The following RHAG variants were observed in gnomAD, a reference collection of about 807,000 sequenced individuals.
RHAG encodes the protein ammonium transporter Rh type A.
A neutral mutation model predicts 42.4 loss-of-function variants in RHAG; 25 were observed. The observed-to-expected ratio is 0.59, with a 90% CI of 0.43 to 0.82. RHAG has a LOEUF of 0.82. Among genes scored for constraint, RHAG ranks in the 40% least tolerant of loss-of-function variants. RHAG has a pLI of 0.00. For missense variants in RHAG, 483 were observed against 504.6 expected, an observed-to-expected ratio of 0.96 and a Z score of 0.41; for synonymous variants, 182 against 177.7, an observed-to-expected ratio of 1.02 and a Z score of -0.19.
At chr6:49,612,106 A>G (rs1211869828) in intron 6 of RHAG, among the ~76,000 whole-genome samples, 1 of 152,118 alleles carries the variant, frequency 6.6e-6, no homozygotes, top group Non-Finnish European at 1.5e-5. Context: ...AAATAACAAC[A>G]ACAACTTCAA....
At chr6:49,610,218 C>G (rs1412333773) in intron 7 of RHAG, among the ~76,000 whole-genome samples, 1 of 151,878 alleles carries the variant, frequency 6.6e-6, no homozygotes, top group Non-Finnish European at 1.5e-5. Flanking sequence ...CACATGTATC[C>G]AGAACTTAAA....
chr6:49,636,213 AC>A (rs989889115), intron 1 of RHAG, among the ~76,000 whole-genome samples: 19 of 152,034 alleles, frequency 1.2e-4, no homozygotes, highest in African/African-American at 4.3e-4. Context: ...CATACTAAAT[AC>A]CCCTTCTTAT....
Position 49,628,155 on chromosome 6 carries a change from CACACACAG to C in RHAG, c.157+8493_157+8500del, listed in dbSNP as rs978967417. 3.2e-4 allele frequency among the ~76,000 whole-genome samples: 38 copies of C among 117,264 alleles called. No individual in the cohort carries two copies. The South Asian group carries it at 3.6e-3, about 11-fold the overall frequency. The allele number at this position is 117,264 out of a possible 152,430, so 76.9% of individuals were successfully genotyped here. A position where few individuals can be genotyped will look rare whatever the true frequency, so the allele number is the denominator to read the frequency against. ...TGTGAGACACACACACACACACACA[CACACACAG>C]AGAGAGAGAGAGAGACAGGGTCTTG... On this transcript the variant is annotated intron_variant, in intron 1 of 9. Coordinates refer to ENST00000371175, the MANE Select transcript of RHAG (RefSeq NM_000324.3).
chr6:49,622,216 G>GT (rs547741058), intron 1 of RHAG, among the ~76,000 whole-genome samples: 56,555 of 132,354 alleles, frequency 0.43, 12,541 homozygotes, highest in East Asian at 0.53. Flanking sequence ...AGATCTGATG[G>GT]TTTTTTTTTT....
At chr6:49,629,711 C>T (rs965269965) in intron 1 of RHAG, among the ~76,000 whole-genome samples, 4 of 152,212 alleles carry the variant, frequency 2.6e-5, no homozygotes, top group African/African-American at 9.6e-5. Flanking sequence ...GCAGCTAAGG[C>T]CCCGTGAGAA....
intron 3 of RHAG, among the ~76,000 whole-genome samples, chr6:49,617,615 G>A (rs544090595): frequency 6.6e-6 from 1 of 151,974 alleles, no homozygotes; most frequent in Non-Finnish European, 1.5e-5. Flanking sequence ...TTCCTGGGGG[G>A]AATCAATGAA....
At position 49,619,319 on chromosome 6, in the gene RHAG, G is replaced by A. The variant is rs755777898; in HGVS notation, c.201C>T (p.Phe67=). The change falls in exon 2 of 10, where the codon TTC becomes TTT. Residue 67 remains phenylalanine (F), a synonymous_variant. Coordinates refer to ENST00000371175, the MANE Select transcript of RHAG (RefSeq NM_000324.3). ...CATATTTCTTCAGGAAGGTCATGAG[G>A]AAGCCAAACCCAACAAATATCATAA... ...VHVMIFVGFG[F]LMTFLKKYGF... The A allele has an allele frequency of 6.2e-7, 1 of 1,614,132 alleles. No homozygotes were observed. Among genetic ancestry groups the A allele is most frequent in the South Asian group, 1.1e-5 (1 of 91,080 alleles).
intron 4 of RHAG, among the ~76,000 whole-genome samples, 159 bp downstream of exon 4, chr6:49,615,465 G>A (rs948216071): frequency 1.3e-5 from 2 of 151,750 alleles, no homozygotes; most frequent in African/African-American, 2.4e-5. Flanking sequence ...CTGGGCTCAA[G>A]TAATCCCACC....
chr6:49,613,578 G>A (rs1762603253), intron 5 of RHAG, among the ~76,000 whole-genome samples: 1 of 152,028 alleles, frequency 6.6e-6, no homozygotes, highest in African/African-American at 2.4e-5. Context: ...AATTACAATA[G>A]CATTTTCCTC....
intron 1 of RHAG, among the ~76,000 whole-genome samples, chr6:49,624,063 G>T (rs6918893): frequency 0.23 from 34,247 of 152,002 alleles, 4,194 homozygotes; most frequent in African/African-American, 0.32. Flanking sequence ...GTTGTTAACA[G>T]AAAATAAAAG....
chr6:49,613,314 C>T (rs1313701331), intron 5 of RHAG, among the ~76,000 whole-genome samples: 3 of 152,138 alleles, frequency 2.0e-5, no homozygotes, highest in African/African-American at 7.2e-5. Flanking sequence ...AGGTGATCCA[C>T]CCACCTTGGC....
chr6:49,620,862 T>C (rs2127354478), intron 1 of RHAG, among the ~76,000 whole-genome samples: 1 of 152,174 alleles, frequency 6.6e-6, no homozygotes, highest in South Asian at 2.1e-4. Flanking sequence ...ACATCACCAT[T>C]GTGGCCAGAG....
Position 49,615,639 on chromosome 6 carries a change from A to T in RHAG, c.625T>A (p.Leu209Met). 1 of 1,614,146 alleles carries T rather than the reference A, an allele frequency of 6.2e-7. No individual in the cohort carries two copies. The highest frequency in any genetic ancestry group is 8.5e-7 in the Non-Finnish European group (1 of 1,180,028). Reference sequence around the variant, plus strand: ...CCACACTCACCAATCATTGCAAACAAGTCTGAGTAGTATGCGGACTCTTCA... The same window carrying T: ...CCACACTCACCAATCATTGCAAACATGTCTGAGTAGTATGCGGACTCTTCA... ...ENEESAYYSD[L>M]FAMIGTLFLW... The change falls in exon 4 of 10, where the codon TTG becomes ATG. Residue 209 changes from leucine (L) to methionine (M), a missense_variant. Coordinates refer to ENST00000371175, the MANE Select transcript of RHAG (RefSeq NM_000324.3).
chr6:49,617,993 C>G, intron 3 of RHAG, 75 bp downstream of exon 3: 1 of 1,353,818 alleles, frequency 7.4e-7, no homozygotes, highest in African/African-American at 1.4e-5. Context: ...TCCCATATAC[C>G]GTAGACACCC....
chr6:49,607,101 A>G (rs1762484907), intron 8 of RHAG, 49 bp downstream of exon 8: 2 of 1,487,246 alleles, frequency 1.3e-6, no homozygotes, highest in Non-Finnish European at 1.9e-6. Flanking sequence ...TCTATTGTAA[A>G]TAATCTGAGA....
In RHAG at chr6:49,619,332, A is replaced by G. The variant is rs771015095; in HGVS notation, c.188T>C (p.Val63Ala). The G allele has an allele frequency of 6.2e-7, 1 of 1,614,170 alleles. No individual in the cohort carries two copies. Among genetic ancestry groups the G allele is most frequent in the Non-Finnish European group, 8.5e-7 (1 of 1,180,016 alleles). The change falls in exon 2 of 10, where the codon GTT becomes GCT. Residue 63 changes from valine (V) to alanine (A), a missense_variant. By Grantham distance (64) the Val-to-Ala change is moderately conservative (BLOSUM62 0). Transcript: ENST00000371175. ...LFQDVHVMIFVGFGFLMTFLK... is the reference protein window; with the variant it reads ...LFQDVHVMIFAGFGFLMTFLK... ...GAAGGTCATGAGGAAGCCAAACCCA[A>G]CAAATATCATAACATGTACATCTTG...
Position 49,605,697 on chromosome 6 carries a change from T to C in RHAG, c.*116A>G. ...ATACTCTCTTTGGTTACTCCCTTTTTGTTTATTTGGACTTGATTCTGGATA... is the reference window on the plus strand; with the variant it reads ...ATACTCTCTTTGGTTACTCCCTTTTCGTTTATTTGGACTTGATTCTGGATA... On this transcript the variant is annotated 3_prime_UTR_variant, in exon 10 of 10. Coordinates refer to ENST00000371175, the MANE Select transcript of RHAG (RefSeq NM_000324.3). 2.0e-6 allele frequency: 2 copies of C among 980,354 alleles called. No homozygotes were observed. The highest frequency in any genetic ancestry group is 1.3e-5 in the South Asian group (1 of 78,070). The allele number at this position is 980,354 out of a possible 1,614,324, so 60.7% of individuals were successfully genotyped here.
At chr6:49,636,132 C>T (rs934364681) in intron 1 of RHAG, among the ~76,000 whole-genome samples, 3 of 151,994 alleles carry the variant, frequency 2.0e-5, no homozygotes, top group Non-Finnish European at 4.4e-5. Context: ...AGTAACAAAC[C>T]GACTTCCTTT....
intron 2 of RHAG, among the ~76,000 whole-genome samples, chr6:49,618,795 T>G (rs1762700054): frequency 6.6e-6 from 1 of 152,190 alleles, no homozygotes. Flanking sequence ...GGCTGATAAA[T>G]AAAGAATTGT....
Sources: gnomAD v4.1 joint callset for allele counts (sites outside exome capture counted in the v4.1 genomes callset) on GRCh38, gnomAD v4.1.1 for gene constraint, MANE v1.5 for transcripts, NCBI Gene and HGNC (gene_info 2026-07-23, HGNC 2026-07-21) for gene names.